The following ERI1 variants were observed in gnomAD, a reference collection of about 807,000 sequenced individuals.
ERI1 encodes the protein 3'-5' exoribonuclease 1.
A neutral mutation model predicts 39.7 loss-of-function variants in ERI1; 39 were observed. That is an observed-to-expected ratio of 0.98 (90% CI 0.76 to 1.28). The LOEUF (loss-of-function observed/expected upper bound fraction) is 1.28. ERI1 is among the 50% of genes most tolerant of loss of function. The pLI is 0.00. For missense variants in ERI1, 581 were observed against 416.9 expected (o/e 1.39, Z -3.43); for synonymous variants, 204 against 149.6 (o/e 1.36, Z -2.65).
downstream of ERI1, among the ~76,000 whole-genome samples, chr8:9,034,619 T>C (rs1257908621): frequency 3.3e-5 from 5 of 151,990 alleles, no homozygotes; most frequent in Non-Finnish European, 1.5e-5. Flanking sequence ...GTCTGTGTTT[T>C]CCCCATCGCT....
At position 9,099,281 on chromosome 8, in the gene ERI1, T is replaced by C. The variant is rs1438402341; in HGVS notation, n.300-17067T>C. Among the ~76,000 whole-genome samples the C allele has an allele frequency of 4.0e-5, 6 of 151,200 alleles. No individual in the cohort carries two copies. In the East Asian group the frequency reaches 9.7e-4, roughly 24 times the overall value. On this transcript the variant is annotated intron_variant and non_coding_transcript_variant, in intron 3 of 3. Coordinates refer to the ERI1 transcript ENST00000518663. ...TTTGAACTCCAATGCTACTGATTAGTTCAACTTTTTTCAGAATTTTGTATA... is the reference window on the plus strand; with the variant it reads ...TTTGAACTCCAATGCTACTGATTAGCTCAACTTTTTTCAGAATTTTGTATA...
chr8:9,028,492 A>G (rs1245023090), intron 6 of ERI1, among the ~76,000 whole-genome samples: 3 of 152,242 alleles, frequency 2.0e-5, no homozygotes, highest in African/African-American at 7.2e-5. Context: ...CCTATGAGTA[A>G]ATATTAGAGC....
intron 2 of ERI1, among the ~76,000 whole-genome samples, chr8:9,010,122 T>C (rs1816506738): frequency 6.6e-6 from 1 of 152,164 alleles, no homozygotes; most frequent in South Asian, 2.1e-4. Flanking sequence ...TTAGAGAGAA[T>C]CATATTCTGA....
At chr8:9,018,682 C>CA (rs1276023763) in intron 5 of ERI1, among the ~76,000 whole-genome samples, 2 of 152,158 alleles carry the variant, frequency 1.3e-5, no homozygotes, top group African/African-American at 4.8e-5. Flanking sequence ...CTTCCTTACT[C>CA]AAAAAAGTTC....
At chr8:9,079,203 C>A (rs1408782327) in intron 3 of ERI1, among the ~76,000 whole-genome samples, 2 of 152,138 alleles carry the variant, frequency 1.3e-5, no homozygotes, top group African/African-American at 4.8e-5. Flanking sequence ...TTGCTGACAG[C>A]AGGCCTTTGG....
At chr8:9,099,487 C>T (rs887451084) in intron 3 of ERI1, among the ~76,000 whole-genome samples, 9 of 151,380 alleles carry the variant, frequency 5.9e-5, no homozygotes, top group Non-Finnish European at 1.3e-4. Context: ...CCCAACTACT[C>T]AGGAGACTGA....
At chr8:9,091,219 C>T (rs544489721) in intron 3 of ERI1, 1 of 152,270 alleles carries the variant, frequency 6.6e-6, no homozygotes, top group African/African-American at 2.4e-5. Context: ...TAGAAAACAA[C>T]ACCACAAGAA....
intron 3 of ERI1, among the ~76,000 whole-genome samples, chr8:9,053,112 G>A (rs1384912496): frequency 6.6e-6 from 1 of 152,202 alleles, no homozygotes; most frequent in Non-Finnish European, 1.5e-5. Flanking sequence ...TGCCTCCCGG[G>A]TTCAAGAGAT....
chr8:9,019,527 C>G (rs1817663458), intron 5 of ERI1, among the ~76,000 whole-genome samples: 1 of 152,116 alleles, frequency 6.6e-6, no homozygotes, highest in Non-Finnish European at 1.5e-5. Flanking sequence ...TCACTCAAAA[C>G]CTATGCAATT....
chr8:9,075,545 G>A (rs564777835), intron 3 of ERI1, among the ~76,000 whole-genome samples: 1 of 150,512 alleles, frequency 6.6e-6, no homozygotes, highest in Non-Finnish European at 1.5e-5. Context: ...ACATGGAATA[G>A]CACTGACCCT....
chr8:9,080,191 G>T (rs1799327330), intron 3 of ERI1, among the ~76,000 whole-genome samples: 1 of 152,152 alleles, frequency 6.6e-6, no homozygotes, highest in South Asian at 2.1e-4. Context: ...TTTAAGAGGG[G>T]AGTAGGACGT....
chr8:9,021,774 GTTTT>G (rs200507835), intron 6 of ERI1, among the ~76,000 whole-genome samples: 131 of 88,328 alleles, frequency 1.5e-3, no homozygotes, highest in African/African-American at 5.3e-3. Context: ...TGTTTTTTTT[GTTTT>G]TTTTTTTTTT....
At chr8:9,020,310 C>A in intron 5 of ERI1, 40 bp from the exon 6 acceptor site, 1 of 1,095,322 alleles carries the variant, frequency 9.1e-7, no homozygotes, top group Non-Finnish European at 1.3e-6. Context: ...AATAGCATAG[C>A]GTTTATTTCA....
intron 6 of ERI1, among the ~76,000 whole-genome samples, chr8:9,027,149 ATGTGTGTGTGTG>A (rs140641752): frequency 2.1e-5 from 3 of 141,692 alleles, no homozygotes; most frequent in Non-Finnish European, 4.5e-5. Context: ...GTGTGTGTGT[ATGTGTGTGTGTG>A]TGTGTGTGTG....
In ERI1 at chr8:9,003,166, C is replaced by A; in HGVS notation, c.103C>A (p.Pro35Thr). ...EGGEEPPRPS[P>T]EETQQCKFDG... ...CGGGGAGGAGCCGCCGCGTCCCAGTCCCGAGGTGAGGAGTCGACCCGCGCC... is the reference window on the plus strand; with the variant it reads ...CGGGGAGGAGCCGCCGCGTCCCAGTACCGAGGTGAGGAGTCGACCCGCGCC... Residue 35 changes from proline to threonine, a missense_variant, in exon 1 of 7, where the codon CCC becomes ACC. Pro to Thr is a conservative substitution (Grantham distance 38, BLOSUM62 -1). Transcript: ENST00000250263. The A allele has an allele frequency of 1.4e-5, 17 of 1,243,496 alleles. No individual in the cohort carries two copies. Among genetic ancestry groups the A allele is most frequent in the Middle Eastern group, 3.1e-4 (1 of 3,278 alleles). 77.0% of individuals were successfully genotyped at this position (1,243,496 alleles called of 1,614,324 possible).
chr8:9,079,003 G>T (rs540988068), intron 3 of ERI1, among the ~76,000 whole-genome samples: 2 of 152,278 alleles, frequency 1.3e-5, no homozygotes, highest in East Asian at 1.9e-4. Flanking sequence ...GAGCTCTAAG[G>T]GGTGTTGTCT....
At position 9,032,688 on chromosome 8, in the gene ERI1, C is replaced by T. The variant is rs1342497586; in HGVS notation, c.*2654C>T. Reference sequence around the variant, plus strand: ...TGTGACCAGTTGACTTTTAGTATATCATCCCAAGTATTATCCCCAAAATGA... The same window carrying T: ...TGTGACCAGTTGACTTTTAGTATATTATCCCAAGTATTATCCCCAAAATGA... On this transcript the variant is annotated 3_prime_UTR_variant, in exon 7 of 7. Transcript: ENST00000250263. The T allele has an allele frequency of 1.3e-5, 2 of 152,138 alleles. No individual in the cohort carries two copies. The highest frequency in any genetic ancestry group is 2.4e-5 in the African/African-American group (1 of 41,404). 9.4% of individuals were successfully genotyped at this position (152,138 alleles called of 1,614,324 possible).
intron 3 of ERI1, among the ~76,000 whole-genome samples, chr8:9,072,905 C>T (rs1487242959): frequency 1.3e-5 from 2 of 152,238 alleles, no homozygotes; most frequent in Non-Finnish European, 2.9e-5. Context: ...TGCACCCCTT[C>T]CTTCAGCAAC....
chr8:9,084,288 A>G (rs1585295332), intron 3 of ERI1, among the ~76,000 whole-genome samples: 1 of 152,170 alleles, frequency 6.6e-6, no homozygotes, highest in Non-Finnish European at 1.5e-5. Flanking sequence ...CGCCTCATCT[A>G]TTCCACCACA....
Sources: gnomAD v4.1 joint callset for allele counts (sites outside exome capture counted in the v4.1 genomes callset) on GRCh38, gnomAD v4.1.1 for gene constraint, MANE v1.5 for transcripts, NCBI Gene and HGNC (gene_info 2026-07-23, HGNC 2026-07-21) for gene names.